Variants in EPB41L3 observed in about 807,000 individuals in gnomAD.
The protein encoded by EPB41L3 is band 4.1-like protein 3.
Under a neutral mutation model 127.1 loss-of-function variants are expected in EPB41L3, and 57 were observed. That is an observed-to-expected ratio of 0.45 (90% CI 0.36 to 0.56). The LOEUF (loss-of-function observed/expected upper bound fraction) is 0.56. EPB41L3 is among the 20% of genes least tolerant of loss of function. The pLI, the probability that EPB41L3 is intolerant of heterozygous loss-of-function variation, is 0.00. For missense variants in EPB41L3, 1,273 were observed against 1,372.2 expected, an observed-to-expected ratio of 0.93 and a Z score of 1.14; for synonymous variants, 572 against 549.5, an observed-to-expected ratio of 1.04 and a Z score of -0.57.
chr18:5,441,110 T>C (rs1300976564), intron 5 of EPB41L3, among the ~76,000 whole-genome samples: 1 of 152,220 alleles, frequency 6.6e-6, no homozygotes, highest in Non-Finnish European at 1.5e-5. Flanking sequence ...TAGGCTGGGC[T>C]TGAACTTCTG....
chr18:5,625,695 G>C (rs1174562978), intron 1 of EPB41L3, among the ~76,000 whole-genome samples: 1 of 152,188 alleles, frequency 6.6e-6, no homozygotes, highest in African/African-American at 2.4e-5. Context: ...CTTGTTGCCA[G>C]AGCAGCTCAC....
chr18:5,545,476 T>C (rs1370481419), upstream of EPB41L3, among the ~76,000 whole-genome samples: 1 of 152,152 alleles, frequency 6.6e-6, no homozygotes, highest in Non-Finnish European at 1.5e-5. Flanking sequence ...TTTCCTTGGC[T>C]GGAGTGGAAG....
At chr18:5,598,470 G>T (rs1231811948) in intron 3 of EPB41L3, among the ~76,000 whole-genome samples, 3 of 152,014 alleles carry the variant, frequency 2.0e-5, no homozygotes, top group Non-Finnish European at 2.9e-5. Context: ...ATTTTTAAAT[G>T]AATTAATAAA....
chr18:5,535,788 C>G (rs2093554540), intron 1 of EPB41L3, among the ~76,000 whole-genome samples: 1 of 152,202 alleles, frequency 6.6e-6, no homozygotes, highest in South Asian at 2.1e-4. Context: ...AATAACATAA[C>G]AGAGCAGCCC....
chr18:5,621,492 A>G (rs190289259), intron 1 of EPB41L3, among the ~76,000 whole-genome samples: 21 of 152,344 alleles, frequency 1.4e-4, no homozygotes, highest in Non-Finnish European at 2.6e-4. Flanking sequence ...TAAACCCAGC[A>G]CTTTGGGAGG....
exon 3 of EPB41L3, chr18:5,612,402 C>A (rs565674799): frequency 6.6e-6 from 1 of 152,206 alleles, no homozygotes; most frequent in South Asian, 2.1e-4. Context: ...TCTGTCCTTG[C>A]CTGTGGCATC....
chr18:5,479,767 A>AAAAAGT (rs1448347452), intron 2 of EPB41L3: 9 of 152,332 alleles, frequency 5.9e-5, no homozygotes, highest in East Asian at 1.9e-4. Context: ...GCTTAAAAAA[A>AAAAAGT]AAAAAGTAAA....
chr18:5,601,495 C>T (rs2094591113), intron 3 of EPB41L3, among the ~76,000 whole-genome samples: 1 of 152,146 alleles, frequency 6.6e-6, no homozygotes, highest in Admixed American at 6.5e-5. Flanking sequence ...GTAATAAAAC[C>T]TTGTAGTGTG....
At chr18:5,419,214 T>C (rs1007010382) in intron 12 of EPB41L3, among the ~76,000 whole-genome samples, 1 of 152,220 alleles carries the variant, frequency 6.6e-6, no homozygotes, top group African/African-American at 2.4e-5. Flanking sequence ...AGATCCCTTT[T>C]CAAAACATGG....
Position 5,397,373 on chromosome 18 carries a change from G to C in EPB41L3, c.2526C>G (p.His842Gln), listed in dbSNP as rs1567971100. 6.2e-7 allele frequency: 1 copy of C among 1,613,898 alleles called. No homozygotes were observed. The highest frequency in any genetic ancestry group is 8.5e-7 in the Non-Finnish European group (1 of 1,179,978). ...SSGIETEPTVHHLPLSTEKVV... is the reference protein window; with the variant it reads ...SSGIETEPTVQHLPLSTEKVV... ...CCTTCTCAGTGCTAAGCGGCAGGTGGTGCACGGTGGGTTCCGTCTCTATTC... is the reference window on the plus strand; with the variant it reads ...CCTTCTCAGTGCTAAGCGGCAGGTGCTGCACGGTGGGTTCCGTCTCTATTC... The change falls in exon 18 of 23, where the codon CAC becomes CAG. Residue 842 changes from histidine (H) to glutamine (Q), a missense_variant. Physicochemically the swap from His to Gln is conservative, Grantham distance 24. This residue lies in a region of EPB41L3 where 765 missense variants were observed against 782.9 expected (regional missense o/e 0.98). Coordinates refer to ENST00000341928, the MANE Select transcript of EPB41L3 (RefSeq NM_012307.5). This position sits in a 1 kb window ranked among gnomAD's most constrained non-coding sequence, Gnocchi z 4.1.
At chr18:5,461,811 C>T (rs2084049901) in intron 3 of EPB41L3, among the ~76,000 whole-genome samples, 1 of 152,044 alleles carries the variant, frequency 6.6e-6, no homozygotes, top group Non-Finnish European at 1.5e-5. Context: ...GTTATTTGTT[C>T]CAACAAAAAA....
chr18:5,495,874 A>C (rs765090307), intron 1 of EPB41L3, among the ~76,000 whole-genome samples: 61 of 152,314 alleles, frequency 4.0e-4, no homozygotes, highest in Admixed American at 1.7e-3. Context: ...TATTCACAGC[A>C]AGAAATCTAA....
At chr18:5,601,505 GTGT>G (rs1312913215) in intron 3 of EPB41L3, among the ~76,000 whole-genome samples, 1 of 152,186 alleles carries the variant, frequency 6.6e-6, no homozygotes, top group Non-Finnish European at 1.5e-5. Flanking sequence ...CTTGTAGTGT[GTGT>G]TGTTGTTTTT....
At chr18:5,496,198 G>C (rs767720270) in intron 1 of EPB41L3, among the ~76,000 whole-genome samples, 18 of 152,212 alleles carry the variant, frequency 1.2e-4, no homozygotes, top group Non-Finnish European at 2.2e-4. Flanking sequence ...TGCGTGAGCA[G>C]AAAAATCAAC....
intron 1 of EPB41L3, among the ~76,000 whole-genome samples, chr18:5,524,351 G>A (rs1208232749): frequency 2.0e-5 from 3 of 151,914 alleles, no homozygotes; most frequent in Non-Finnish European, 4.4e-5. Context: ...CTGCCACCAC[G>A]CCTGGCTAAT....
chr18:5,522,990 G>C lies in EPB41L3; in HGVS notation c.-12+20923C>G, dbSNP rs140474488. ...AAAAGTGACTGAGCTGGTATTATAT[G>C]TAGAGAGTACATAAAAAATATTTTA... On this transcript the variant is annotated intron_variant, in intron 1 of 22. Coordinates refer to ENST00000341928, the MANE Select transcript of EPB41L3 (RefSeq NM_012307.5). Among the ~76,000 whole-genome samples, 1,128 of 152,240 alleles carry C rather than the reference G, an allele frequency of 7.4e-3. 15 individuals carry two copies. Among genetic ancestry groups the C allele is most frequent in the African/African-American group, 0.025 (1,044 of 41,540 alleles).
At chr18:5,622,896 T>C (rs766359501) in intron 1 of EPB41L3, among the ~76,000 whole-genome samples, 1 of 152,136 alleles carries the variant, frequency 6.6e-6, no homozygotes, top group African/African-American at 2.4e-5. Context: ...ATTCCATGTT[T>C]GTTTTTATAC....
intron 3 of EPB41L3, among the ~76,000 whole-genome samples, chr18:5,586,188 T>C (rs1417920902): frequency 6.6e-6 from 1 of 152,180 alleles, no homozygotes; most frequent in East Asian, 1.9e-4. Flanking sequence ...AGCCAATAGA[T>C]AGTAAAATTT....
intron 2 of EPB41L3, chr18:5,479,945 C>T (rs2088077966): frequency 6.6e-6 from 1 of 151,766 alleles, no homozygotes; most frequent in African/African-American, 2.4e-5. Context: ...TGTATATCAA[C>T]AACAATAACA....
Sources: allele counts gnomAD v4.1 joint callset (sites outside exome capture counted in the v4.1 genomes callset), GRCh38; gene constraint gnomAD v4.1.1; regional missense constraint gnomAD v4.1.1; non-coding constraint Gnocchi (gnomAD v3.1); transcripts MANE v1.5; gene names NCBI Gene and HGNC (gene_info 2026-07-23, HGNC 2026-07-21).